MECOM: variants seen among roughly 807,000 people sequenced by gnomAD.
MECOM encodes the protein MDS1 and EVI1 complex locus, also known as histone-lysine N-methyltransferase MECOM.
MECOM carries 13 observed loss-of-function variants against 116.3 expected under a neutral mutation model. That is an observed-to-expected ratio of 0.11 (90% CI 0.07 to 0.18). The LOEUF (loss-of-function observed/expected upper bound fraction) is 0.18, where lower values mean the gene tolerates loss of function less well. Among genes scored for constraint, MECOM ranks in the 10% least tolerant of loss-of-function variants. MECOM has a pLI of 1.00. For missense variants in MECOM, 1,299 were observed against 1,509.0 expected (o/e 0.86, Z 2.31); for synonymous variants, 528 against 535.2 (o/e 0.99, Z 0.19).
chr3:169,097,812 C>CTA lies in MECOM; in HGVS notation c.2850-2569_2850-2568dup, dbSNP rs1560133759. Among the ~76,000 whole-genome samples, 188 of 23,770 alleles carry CTA rather than the reference C, an allele frequency of 7.9e-3. 37 individuals are homozygous for CTA. Among genetic ancestry groups the CTA allele is most frequent in the East Asian group, 0.021 (31 of 1,456 alleles). 15.6% of individuals were successfully genotyped at this position (23,770 alleles called of 152,430 possible). Reference sequence around the variant, plus strand: ...TGAGCAACAGAGTGAGACCTACTGTCTATATAAAAAAAAAAAAAAAAAAAA... The same window carrying CTA: ...TGAGCAACAGAGTGAGACCTACTGTCTATATATAAAAAAAAAAAAAAAAAAAA... On this transcript the variant is annotated intron_variant, in intron 12 of 16. Transcript: ENST00000651503.
chr3:169,331,986 A>G (rs1300644200), intron 2 of MECOM, among the ~76,000 whole-genome samples: 2 of 147,370 alleles, frequency 1.4e-5, no homozygotes, highest in Non-Finnish European at 3.0e-5. Context: ...ATGGCTGTGG[A>G]AAATGTTTCT....
intron 1 of MECOM, among the ~76,000 whole-genome samples, chr3:169,405,911 T>C (rs1736623099): frequency 6.6e-6 from 1 of 152,214 alleles, no homozygotes; most frequent in South Asian, 2.1e-4. Context: ...AAGCTGGGTT[T>C]ACAGAGCACT....
At chr3:169,618,532 C>CCG (rs1770298047) in intron 1 of MECOM, among the ~76,000 whole-genome samples, 1 of 152,038 alleles carries the variant, frequency 6.6e-6, no homozygotes, top group African/African-American at 2.4e-5. Flanking sequence ...TGGCGCGCGC[C>CCG]CGTAGTCCCA....
intron 1 of MECOM, among the ~76,000 whole-genome samples, chr3:169,413,388 C>T (rs771071752): frequency 6.6e-6 from 1 of 152,264 alleles, no homozygotes; most frequent in African/African-American, 2.4e-5. Flanking sequence ...CAGGTACCTA[C>T]ACCACAAGTG....
rs186030761 is a variant in MECOM, at chr3:169,116,353, G to A, written c.1519C>T (p.Pro507Ser). The change falls in exon 8 of 17, where the codon CCT (proline) becomes TCT (serine). Residue 507 changes from proline (P) to serine (S), a missense_variant. This residue lies in a region of MECOM where 238 missense variants were observed against 273.1 expected (regional missense o/e 0.87). Transcript: ENST00000651503. ...AGTCCTTTAACAGGAGAACTAGCAG[G>A]TATCAAAGGAGGCCTGTGGTACAAG... ...SGLYHRPPLI[P>S]ASSPVKGLSS... 2.5e-6 allele frequency: 4 copies of A among 1,614,174 alleles called. No individual in the cohort carries two copies. The highest frequency in any genetic ancestry group is 2.7e-5 in the African/African-American group (2 of 75,026).
chr3:169,096,295 G>T (rs1421824634), intron 12 of MECOM, among the ~76,000 whole-genome samples: 2 of 150,300 alleles, frequency 1.3e-5, no homozygotes, highest in Non-Finnish European at 3.0e-5. Flanking sequence ...TTTTTAGATG[G>T]AGTCTCACTC....
At chr3:169,113,271 G>A (rs904494622) in intron 8 of MECOM, among the ~76,000 whole-genome samples, 1 of 151,854 alleles carries the variant, frequency 6.6e-6, no homozygotes, top group Admixed American at 6.6e-5. Flanking sequence ...CTACCAAGAA[G>A]GTGTTCTCCC....
chr3:169,142,970 G>A (rs1577145867), intron 3 of MECOM, among the ~76,000 whole-genome samples: 1 of 151,808 alleles, frequency 6.6e-6, no homozygotes, highest in East Asian at 1.9e-4. Context: ...AAAAATTAAT[G>A]GGCTGAATTT....
chr3:169,521,317 T>C (rs1757327983), intron 1 of MECOM, among the ~76,000 whole-genome samples: 2 of 152,206 alleles, frequency 1.3e-5, no homozygotes, highest in African/African-American at 2.4e-5. Flanking sequence ...AGTGTCTTGA[T>C]TATTTTTGTA....
chr3:169,291,303 G>A, intron 2 of MECOM, among the ~76,000 whole-genome samples: 1 of 152,068 alleles, frequency 6.6e-6, no homozygotes, highest in East Asian at 1.9e-4. Flanking sequence ...CACTATCAAG[G>A]AAGAACTGAG....
chr3:169,426,553 C>T (rs1235073074), intron 1 of MECOM, among the ~76,000 whole-genome samples: 2 of 152,182 alleles, frequency 1.3e-5, no homozygotes, highest in African/African-American at 4.8e-5. Flanking sequence ...TCTCAGTTCA[C>T]TCAACCTGAA....
At chr3:169,524,965 C>A in intron 1 of MECOM, among the ~76,000 whole-genome samples, 1 of 146,134 alleles carries the variant, frequency 6.8e-6, no homozygotes, top group Non-Finnish European at 1.5e-5. Flanking sequence ...AACTAAACTG[C>A]ATACTTGTTT....
intron 3 of MECOM, among the ~76,000 whole-genome samples, chr3:169,138,362 T>C (rs1403463207): frequency 6.6e-6 from 1 of 152,148 alleles, no homozygotes; most frequent in African/African-American, 2.4e-5. Context: ...CTAGGTATTG[T>C]TACATGAAGG....
chr3:169,303,818 T>C (rs1156351879), intron 2 of MECOM, among the ~76,000 whole-genome samples: 1 of 152,264 alleles, frequency 6.6e-6, no homozygotes, highest in Non-Finnish European at 1.5e-5. Flanking sequence ...GTTTGGTTTT[T>C]AGTTTATCTT....
At chr3:169,358,135 G>A (rs1460203290) in intron 2 of MECOM, among the ~76,000 whole-genome samples, 1 of 151,732 alleles carries the variant, frequency 6.6e-6, no homozygotes, top group Non-Finnish European at 1.5e-5. Flanking sequence ...AGAAGACTTT[G>A]TGACTATTTC....
chr3:169,263,808 A>G (rs1757929506), intron 2 of MECOM, among the ~76,000 whole-genome samples: 1 of 152,170 alleles, frequency 6.6e-6, no homozygotes, highest in Admixed American at 6.5e-5. Flanking sequence ...AAATATGAGC[A>G]CAAATCCTAA....
intron 1 of MECOM, among the ~76,000 whole-genome samples, chr3:169,544,613 A>AC (rs1485314101): frequency 3.3e-5 from 5 of 152,236 alleles, no homozygotes; most frequent in Non-Finnish European, 7.3e-5. Context: ...AAGACGTGGA[A>AC]CCAACCCAAA....
At chr3:169,580,710 AC>A (rs1275820615) in intron 1 of MECOM, among the ~76,000 whole-genome samples, 15 of 152,238 alleles carry the variant, frequency 9.9e-5, no homozygotes, top group Non-Finnish European at 2.2e-4. Flanking sequence ...AAAGTCATAG[AC>A]ATTACCACAG....
intron 1 of MECOM, among the ~76,000 whole-genome samples, chr3:169,522,202 G>C (rs555342766): frequency 1.3e-5 from 2 of 152,158 alleles, no homozygotes; most frequent in Non-Finnish European, 2.9e-5. Context: ...TGTAGCTCAT[G>C]TTCATGCTTC....
Sources: allele counts gnomAD v4.1 joint callset (sites outside exome capture counted in the v4.1 genomes callset), GRCh38; gene constraint gnomAD v4.1.1; regional missense constraint gnomAD v4.1.1; transcripts MANE v1.5; gene names NCBI Gene and HGNC (gene_info 2026-07-23, HGNC 2026-07-21).